DAAM1: variants seen among roughly 807,000 people sequenced by gnomAD.
The protein encoded by DAAM1 is dishevelled associated activator of morphogenesis 1.
Under a neutral mutation model 130.0 loss-of-function variants are expected in DAAM1, and 52 were observed. The ratio of observed to expected loss-of-function variants is 0.40; its 90% CI spans 0.32 to 0.50. DAAM1 has a LOEUF of 0.50. DAAM1 is among the 20% of genes least tolerant of loss of function. The pLI is 0.61. For missense variants in DAAM1, 1,134 were observed against 1,303.8 expected (o/e 0.87, Z 2.01); for synonymous variants, 452 against 444.5 (o/e 1.02, Z -0.21).
chr14:59,213,746 G>A (rs1272577087), intron 1 of DAAM1, among the ~76,000 whole-genome samples: 1 of 152,172 alleles, frequency 6.6e-6, no homozygotes, highest in African/African-American at 2.4e-5. Context: ...GGAAGGTGAA[G>A]CTTACTTTTA....
intron 3 of DAAM1, among the ~76,000 whole-genome samples, chr14:59,293,505 C>G (rs1313885851): frequency 6.6e-6 from 1 of 152,172 alleles, no homozygotes; most frequent in Non-Finnish European, 1.5e-5. Context: ...GACAGCTAGG[C>G]CTTTCTTATT....
At chr14:59,282,299 C>T in intron 2 of DAAM1, among the ~76,000 whole-genome samples, 1 of 152,114 alleles carries the variant, frequency 6.6e-6, no homozygotes, top group Non-Finnish European at 1.5e-5. Context: ...GATTGAGCTC[C>T]ATGATAGCTT....
At chr14:59,259,740 GT>G (rs1355134683) in intron 1 of DAAM1, among the ~76,000 whole-genome samples, 1 of 152,204 alleles carries the variant, frequency 6.6e-6, no homozygotes, top group Non-Finnish European at 1.5e-5. Flanking sequence ...GCCTACCTGT[GT>G]TGGGTACAAG....
chr14:59,363,822 G>C (rs1308789410), intron 23 of DAAM1, 40 bp downstream of exon 23: 10 of 1,609,286 alleles, frequency 6.2e-6, no homozygotes, highest in Non-Finnish European at 8.5e-6. Flanking sequence ...GTTTGACCGG[G>C]CTGGGCTTCA....
intron 2 of DAAM1, among the ~76,000 whole-genome samples, chr14:59,271,220 ATGTAAAATATTTTAAAGAAACT>A (rs1259260599): frequency 6.6e-6 from 1 of 152,178 alleles, no homozygotes; most frequent in Non-Finnish European, 1.5e-5. Context: ...CTTCCAGGAA[ATGTAAAATATTTTAAAGAAACT>A]TGTTGTGAAA....
chr14:59,329,732 T>C (rs960697228), intron 12 of DAAM1, among the ~76,000 whole-genome samples: 2 of 152,202 alleles, frequency 1.3e-5, no homozygotes, highest in Admixed American at 6.5e-5. Context: ...ATATGCATTA[T>C]GCTGAATTGG....
At chr14:59,207,314 G>T (rs766704111) in intron 1 of DAAM1, among the ~76,000 whole-genome samples, 4 of 152,170 alleles carry the variant, frequency 2.6e-5, no homozygotes, top group Admixed American at 6.5e-5. Flanking sequence ...TGGACAAGAG[G>T]CATTACATTA....
intron 2 of DAAM1, among the ~76,000 whole-genome samples, chr14:59,289,185 G>A (rs1883606085): frequency 6.6e-6 from 1 of 152,072 alleles, no homozygotes; most frequent in Non-Finnish European, 1.5e-5. Context: ...AAAGTGCTGG[G>A]ATTACAGGCA....
rs773608963 is a variant in DAAM1, at chr14:59,313,816, A to G, written c.274-1464A>G. ...GTATAACCAAGGCCTGTTTTTAAAA[A>G]CTCATCAGATTTCCTAAACGTTGTG... is the stretch of plus-strand genomic sequence containing the variant. On this transcript the variant is annotated intron_variant, in intron 3 of 24. Transcript: ENST00000360909. 2.8e-4 allele frequency among the ~76,000 whole-genome samples: 42 copies of G among 152,120 alleles called. 1 individual carries two copies. Among genetic ancestry groups the G allele is most frequent in the Non-Finnish European group, 5.4e-4 (37 of 68,016 alleles).
At chr14:59,356,930 C>G (rs1475206132) in intron 20 of DAAM1, among the ~76,000 whole-genome samples, 1 of 152,200 alleles carries the variant, frequency 6.6e-6, no homozygotes, top group African/African-American at 2.4e-5. Context: ...CACCTGCATG[C>G]CTAGCAAAGT....
intron 2 of DAAM1, among the ~76,000 whole-genome samples, chr14:59,273,973 G>C (rs554161992): frequency 1.2e-4 from 18 of 152,046 alleles, no homozygotes; most frequent in Middle Eastern, 3.4e-3. Context: ...ATTTTTACTC[G>C]CTGTGTCTGG....
intron 2 of DAAM1, among the ~76,000 whole-genome samples, chr14:59,267,905 T>TCCCCC (rs201797966): frequency 1.7e-5 from 1 of 58,004 alleles, no homozygotes; most frequent in African/African-American, 3.6e-5. Flanking sequence ...CCCCCCCCTT[T>TCCCCC]TTTTTTTTTT....
At chr14:59,352,143 C>T (rs920274192) in intron 17 of DAAM1, among the ~76,000 whole-genome samples, 1 of 152,146 alleles carries the variant, frequency 6.6e-6, no homozygotes, top group Non-Finnish European at 1.5e-5. Context: ...TAATCACTAC[C>T]CACACTTGCT....
At position 59,272,643 on chromosome 14, in the gene DAAM1, A is replaced by ATATGTATGTATGTATG. The variant is rs61227619; in HGVS notation, c.183+8994_183+9009dup. Among the ~76,000 whole-genome samples, 868 of 145,954 alleles carry ATATGTATGTATGTATG rather than the reference A, an allele frequency of 5.9e-3. 4 individuals are homozygous for ATATGTATGTATGTATG. The highest frequency in any genetic ancestry group is 9.5e-3 in the Non-Finnish European group (630 of 66,466). On this transcript the variant is annotated intron_variant, in intron 2 of 24. Transcript: ENST00000360909. The stretch of plus-strand genomic sequence containing the variant: ...CACACACACACACATACACACATAT[A>ATATGTATGTATGTATG]TATGTATGTATGTATGTATGTATGT...
At chr14:59,267,753 A>G (rs1344128177) in intron 2 of DAAM1, among the ~76,000 whole-genome samples, 1 of 152,206 alleles carries the variant, frequency 6.6e-6, no homozygotes, top group Non-Finnish European at 1.5e-5. Context: ...GATAGCTCAC[A>G]TAAATGGAAT....
intron 1 of DAAM1, among the ~76,000 whole-genome samples, chr14:59,204,867 T>TA (rs1394877133): frequency 6.6e-6 from 1 of 152,032 alleles, no homozygotes; most frequent in Admixed American, 6.6e-5. Flanking sequence ...ACCTCTCTCT[T>TA]AAAAAAATAA....
intron 3 of DAAM1, among the ~76,000 whole-genome samples, chr14:59,298,712 TAAC>T (rs1566690727): frequency 1.3e-5 from 2 of 152,258 alleles, no homozygotes. Context: ...GGTTATAGTC[TAAC>T]AAAAGGCAAT....
At chr14:59,346,809 ATTAGTAAAT>A (rs1205038472) in intron 16 of DAAM1, among the ~76,000 whole-genome samples, 4 of 152,230 alleles carry the variant, frequency 2.6e-5, no homozygotes, top group South Asian at 2.1e-4. Flanking sequence ...TCCTGATTAA[ATTAGTAAAT>A]CATTTATGTT....
intron 2 of DAAM1, among the ~76,000 whole-genome samples, chr14:59,270,157 C>G (rs1459061789): frequency 6.6e-6 from 1 of 152,104 alleles, no homozygotes; most frequent in East Asian, 1.9e-4. Context: ...GTCATGTATC[C>G]CTGAGTAGAT....
Sources: gnomAD v4.1 joint callset for allele counts (sites outside exome capture counted in the v4.1 genomes callset) on GRCh38, gnomAD v4.1.1 for gene constraint, MANE v1.5 for transcripts, NCBI Gene and HGNC (gene_info 2026-07-23, HGNC 2026-07-21) for gene names.